SLC9A9: variants seen among roughly 807,000 people sequenced by gnomAD.
SLC9A9 encodes solute carrier family 9 member A9.
Under a neutral mutation model 77.8 loss-of-function variants are expected in SLC9A9, and 62 were observed. The ratio of observed to expected loss-of-function variants is 0.80; its 90% CI spans 0.65 to 0.98. The LOEUF is 0.98. Ranked by LOEUF, SLC9A9 falls within the 50% of genes least tolerant of loss-of-function variation. SLC9A9 has a pLI of 0.00. For synonymous variants in SLC9A9, 320 were observed against 283.5 expected (o/e 1.13, Z -1.29); for missense variants, 775 against 774.9 (o/e 1.00, Z 0.00).
chr3:143,461,748 T>G (rs1218743296), intron 12 of SLC9A9, among the ~76,000 whole-genome samples: 1 of 152,170 alleles, frequency 6.6e-6, no homozygotes, highest in Non-Finnish European at 1.5e-5. Flanking sequence ...TAAACCCACA[T>G]GAAACTTTGA....
intron 8 of SLC9A9, among the ~76,000 whole-genome samples, chr3:143,567,652 A>G (rs747928895): frequency 9.2e-5 from 14 of 152,202 alleles, no homozygotes; most frequent in Admixed American, 7.2e-4. Flanking sequence ...CAAGAGACTG[A>G]GATGAGGTGG....
chr3:143,826,860 A>G (rs1452643692), intron 2 of SLC9A9, among the ~76,000 whole-genome samples: 1 of 152,038 alleles, frequency 6.6e-6, no homozygotes, highest in Non-Finnish European at 1.5e-5. Context: ...ATTACCCTTA[A>G]TAAGAGACCA....
chr3:143,578,965 AGGG>A (rs2037411132), intron 6 of SLC9A9, among the ~76,000 whole-genome samples: 4 of 152,316 alleles, frequency 2.6e-5, no homozygotes, highest in African/African-American at 9.6e-5. Context: ...TTATATTGGA[AGGG>A]TCATAAAGAA....
intron 6 of SLC9A9, among the ~76,000 whole-genome samples, chr3:143,639,718 C>T (rs1205343955): frequency 6.6e-6 from 1 of 152,144 alleles, no homozygotes; most frequent in Non-Finnish European, 1.5e-5. Context: ...TAAACAACAG[C>T]TTTTGTGTGA....
Position 143,633,082 on chromosome 3 carries a change from T to C in SLC9A9, c.755+19173A>G, listed in dbSNP as rs987053723. ...TATGCCTTTTACAAACATCCCTTCA[T>C]TGGATTCTTACTATGTTCCTATCCA... is the stretch of plus-strand genomic sequence containing the variant. On this transcript the variant is annotated intron_variant, in intron 6 of 15. Coordinates refer to ENST00000316549, the MANE Select transcript of SLC9A9 (RefSeq NM_173653.4). Among the ~76,000 whole-genome samples the C allele has an allele frequency of 7.2e-5, 11 of 152,230 alleles. No individual in the cohort carries two copies. The East Asian group carries it at 1.7e-3, about 24-fold the overall frequency.
At chr3:143,542,162 G>A (rs1015777448) in intron 9 of SLC9A9, among the ~76,000 whole-genome samples, 17 of 152,166 alleles carry the variant, frequency 1.1e-4, no homozygotes, top group African/African-American at 4.1e-4. Context: ...ACACATATTA[G>A]CTGAACTACT....
chr3:143,767,806 A>T (rs1163549919), intron 4 of SLC9A9, among the ~76,000 whole-genome samples: 3 of 152,182 alleles, frequency 2.0e-5, no homozygotes, highest in Non-Finnish European at 4.4e-5. Flanking sequence ...ACGCATTTCT[A>T]TGCCCTTTTT....
intron 12 of SLC9A9, among the ~76,000 whole-genome samples, chr3:143,459,717 C>T (rs982169002): frequency 6.6e-6 from 1 of 152,130 alleles, no homozygotes; most frequent in African/African-American, 2.4e-5. Context: ...ACAATCTTCT[C>T]TACATTTTCT....
chr3:143,305,366 C>T (rs556652205), intron 14 of SLC9A9, among the ~76,000 whole-genome samples: 40 of 152,236 alleles, frequency 2.6e-4, no homozygotes, highest in Admixed American at 7.8e-4. Flanking sequence ...ATTCATTCTC[C>T]TTGACAGTGA....
chr3:143,538,402 A>G (rs2036629243), intron 9 of SLC9A9, among the ~76,000 whole-genome samples: 1 of 152,242 alleles, frequency 6.6e-6, no homozygotes, highest in Admixed American at 6.5e-5. Context: ...ACTGCAAATT[A>G]TTAAGTTATG....
chr3:143,565,643 C>A (rs2037155856), intron 8 of SLC9A9, among the ~76,000 whole-genome samples: 1 of 151,942 alleles, frequency 6.6e-6, no homozygotes, highest in African/African-American at 2.4e-5. Flanking sequence ...TGCTGGTTAA[C>A]TAATCCCCTT....
At chr3:143,364,792 T>G (rs1385802838) in intron 13 of SLC9A9, among the ~76,000 whole-genome samples, 1 of 152,216 alleles carries the variant, frequency 6.6e-6, no homozygotes, top group Non-Finnish European at 1.5e-5. Context: ...ACAATGAAAT[T>G]AAAACCCAAA....
intron 13 of SLC9A9, among the ~76,000 whole-genome samples, chr3:143,376,212 G>A (rs1047436342): frequency 6.6e-6 from 1 of 152,188 alleles, no homozygotes; most frequent in Non-Finnish European, 1.5e-5. Context: ...CTCTTGAAAT[G>A]AGAATATGCT....
At chr3:143,441,394 C>T (rs931101140) in intron 12 of SLC9A9, among the ~76,000 whole-genome samples, 1 of 152,154 alleles carries the variant, frequency 6.6e-6, no homozygotes, top group Non-Finnish European at 1.5e-5. Flanking sequence ...CACAGAAAAC[C>T]TCAGATAAAC....
chr3:143,756,065 C>G (rs1224006408), intron 4 of SLC9A9, among the ~76,000 whole-genome samples: 2 of 152,190 alleles, frequency 1.3e-5, no homozygotes, highest in Non-Finnish European at 2.9e-5. Context: ...GACCTAGTCT[C>G]TAAAATACAG....
At chr3:143,321,116 G>A (rs2031405676) in intron 14 of SLC9A9, among the ~76,000 whole-genome samples, 1 of 152,176 alleles carries the variant, frequency 6.6e-6, no homozygotes, top group Non-Finnish European at 1.5e-5. Flanking sequence ...TTAGAACTGT[G>A]AGAGAATACA....
chr3:143,795,295 A>C (rs2008351515), intron 3 of SLC9A9, among the ~76,000 whole-genome samples: 1 of 110,908 alleles, frequency 9.0e-6, no homozygotes, highest in South Asian at 4.0e-4. Context: ...AAAAAAAAAA[A>C]AAAAACCCAC....
intron 2 of SLC9A9, among the ~76,000 whole-genome samples, chr3:143,826,271 A>AG (rs1288674340): frequency 8.6e-5 from 13 of 151,776 alleles, no homozygotes; most frequent in African/African-American, 2.9e-4. Flanking sequence ...AAAAAAAAAA[A>AG]AACCACCATA....
At chr3:143,531,882 GACTGTT>G (rs1284450364) in intron 9 of SLC9A9, among the ~76,000 whole-genome samples, 2 of 152,140 alleles carry the variant, frequency 1.3e-5, no homozygotes, top group South Asian at 2.1e-4. Context: ...ATGATTTTCA[GACTGTT>G]ACTAAGACAT....
Sources: gnomAD v4.1 joint callset for allele counts (sites outside exome capture counted in the v4.1 genomes callset) on GRCh38, gnomAD v4.1.1 for gene constraint, MANE v1.5 for transcripts, NCBI Gene and HGNC (gene_info 2026-07-23, HGNC 2026-07-21) for gene names.